Variants in BTBD9 observed in about 807,000 individuals in gnomAD.
BTBD9 encodes the protein BTB/POZ domain-containing protein 9.
Under a neutral mutation model 64.3 loss-of-function variants are expected in BTBD9, and 49 were observed. That is an observed-to-expected ratio of 0.76 (90% CI 0.61 to 0.97). The LOEUF (loss-of-function observed/expected upper bound fraction) is 0.97, where lower values mean the gene tolerates loss of function less well. Ranked by LOEUF, BTBD9 falls within the 50% of genes least tolerant of loss-of-function variation. The pLI is 0.00. For synonymous variants in BTBD9, 260 were observed against 274.7 expected, an observed-to-expected ratio of 0.95 and a Z score of 0.53; for missense variants, 598 against 762.1, an observed-to-expected ratio of 0.78 and a Z score of 2.53.
chr6:38,402,368 A>C (rs1337895582), intron 6 of BTBD9, among the ~76,000 whole-genome samples: 1 of 151,958 alleles, frequency 6.6e-6, no homozygotes, highest in Non-Finnish European at 1.5e-5. Context: ...GAAAGAACCC[A>C]GAATAGCCAA....
chr6:38,461,429 T>C (rs1770081400), intron 6 of BTBD9, among the ~76,000 whole-genome samples: 1 of 152,242 alleles, frequency 6.6e-6, no homozygotes, highest in Non-Finnish European at 1.5e-5. Flanking sequence ...GTATGTATTA[T>C]TTTTTGTTTG....
intron 6 of BTBD9, among the ~76,000 whole-genome samples, chr6:38,567,172 CT>C (rs1318124646): frequency 2.0e-5 from 3 of 152,158 alleles, no homozygotes; most frequent in African/African-American, 7.2e-5. Flanking sequence ...TAAATTAGTT[CT>C]TTCTATAACT....
intron 6 of BTBD9, among the ~76,000 whole-genome samples, chr6:38,492,092 A>C (rs1771728240): frequency 6.6e-6 from 1 of 152,194 alleles, no homozygotes; most frequent in Admixed American, 6.5e-5. Flanking sequence ...CCCACTTTAG[A>C]GATGAGAAAA....
chr6:38,629,139 G>A (rs1412688851), intron 1 of BTBD9, among the ~76,000 whole-genome samples: 4 of 152,148 alleles, frequency 2.6e-5, no homozygotes, highest in African/African-American at 9.7e-5. Context: ...ATGGGGGCAA[G>A]TCAACTAATA....
At chr6:38,572,773 AAAAC>A (rs1298221730) in intron 6 of BTBD9, among the ~76,000 whole-genome samples, 1 of 151,664 alleles carries the variant, frequency 6.6e-6, no homozygotes, top group African/African-American at 2.4e-5. Context: ...TTAAAAAAAA[AAAAC>A]AAGTAGTGGA....
intron 6 of BTBD9, among the ~76,000 whole-genome samples, chr6:38,345,495 T>C (rs1160765487): frequency 6.6e-6 from 1 of 152,256 alleles, no homozygotes; most frequent in African/African-American, 2.4e-5. Flanking sequence ...AGCAAATGCT[T>C]TCCAGCTCAA....
chr6:38,283,806 G>T (rs1015320864), intron 8 of BTBD9, among the ~76,000 whole-genome samples: 2 of 152,166 alleles, frequency 1.3e-5, no homozygotes, highest in African/African-American at 2.4e-5. Flanking sequence ...TGTTGATGCA[G>T]AATCACTGGG....
intron 6 of BTBD9, among the ~76,000 whole-genome samples, chr6:38,379,132 C>T (rs1765821455): frequency 6.6e-6 from 1 of 152,058 alleles, no homozygotes; most frequent in South Asian, 2.1e-4. Context: ...TTTAACAGGC[C>T]ACATGTAGGC....
In BTBD9 at chr6:38,221,397, T is replaced by TC. The variant is rs199526881; in HGVS notation, c.1563-28801dup. Among the ~76,000 whole-genome samples, 186 of 151,722 alleles carry TC rather than the reference T, an allele frequency of 1.2e-3. 4 individuals carry two copies. In the East Asian group the frequency reaches 0.025, roughly 20 times the overall value. ...CCCAGCCACCTCCTGTCCAAAAGCCTCCCCCCAGGGAGCCACCACCACCAT... is the reference window on the plus strand; with the variant it reads ...CCCAGCCACCTCCTGTCCAAAAGCCTCCCCCCCAGGGAGCCACCACCACCAT... On this transcript the variant is annotated intron_variant, in intron 9 of 10. Coordinates refer to ENST00000481247, the MANE Select transcript of BTBD9 (RefSeq NM_001099272.2).
chr6:38,343,712 A>T, intron 7 of BTBD9, among the ~76,000 whole-genome samples: 1 of 152,222 alleles, frequency 6.6e-6, no homozygotes, highest in East Asian at 1.9e-4. Flanking sequence ...TTTATATTTA[A>T]TGTTAAAATT....
At position 38,359,231 on chromosome 6, in the gene BTBD9, G is replaced by A. The variant is rs922085258; in HGVS notation, c.1155-14138C>T. 5.3e-5 allele frequency among the ~76,000 whole-genome samples: 8 copies of A among 152,104 alleles called. No homozygotes were observed. The East Asian group carries it at 7.7e-4, about 15-fold the overall frequency. On this transcript the variant is annotated intron_variant, in intron 6 of 10. Transcript: ENST00000481247. ...AAACCAGGATAGTTGCTCCTCCTACGCCACCAACAGCCATTTCCCATTCCA... is the reference window on the plus strand; with the variant it reads ...AAACCAGGATAGTTGCTCCTCCTACACCACCAACAGCCATTTCCCATTCCA...
At chr6:38,616,713 C>T (rs1458394088) in intron 1 of BTBD9, among the ~76,000 whole-genome samples, 1 of 152,112 alleles carries the variant, frequency 6.6e-6, no homozygotes, top group Non-Finnish European at 1.5e-5. Flanking sequence ...AGAAACGAAA[C>T]ATGGGAGGGG....
At chr6:38,348,951 C>T (rs541719412) in intron 6 of BTBD9, among the ~76,000 whole-genome samples, 1 of 152,224 alleles carries the variant, frequency 6.6e-6, no homozygotes, top group Admixed American at 6.5e-5. Context: ...TTCTGTTGCC[C>T]AGACTGAAGT....
chr6:38,595,479 C>T (rs905228079), intron 2 of BTBD9, among the ~76,000 whole-genome samples: 1 of 151,772 alleles, frequency 6.6e-6, no homozygotes, highest in Admixed American at 6.6e-5. Flanking sequence ...ATAATATGAA[C>T]CAATTAAACT....
intron 9 of BTBD9, among the ~76,000 whole-genome samples, chr6:38,212,309 G>A (rs1762861642): frequency 6.6e-6 from 1 of 152,172 alleles, no homozygotes; most frequent in Admixed American, 6.5e-5. Flanking sequence ...TGAGGGGCCT[G>A]CCTGGGGCTG....
At chr6:38,198,704 C>G (rs997663457) in intron 9 of BTBD9, among the ~76,000 whole-genome samples, 3 of 152,228 alleles carry the variant, frequency 2.0e-5, no homozygotes, top group Admixed American at 6.5e-5. Flanking sequence ...TAGGGCCAGA[C>G]TGGCAAGTAA....
chr6:38,374,311 A>ATATATG lies in BTBD9; in HGVS notation c.1155-29219_1155-29218insCATATA, dbSNP rs1562095686. On this transcript the variant is annotated intron_variant, in intron 6 of 10. Transcript: ENST00000481247. ...TATATATATATGTATATATATGTATATATATATATATATATGTATATAAAA... is the reference window on the plus strand; with the variant it reads ...TATATATATATGTATATATATGTATATATATGTATATATATATATATGTATATAAAA... Among the ~76,000 whole-genome samples the ATATATG allele has an allele frequency of 1.7e-5, 2 of 115,838 alleles. 1 individual carries two copies. Among genetic ancestry groups the ATATATG allele is most frequent in the African/African-American group, 7.4e-5 (2 of 26,932 alleles). 76.0% of individuals were successfully genotyped at this position (115,838 alleles called of 152,430 possible). A position where few individuals can be genotyped will look rare whatever the true frequency, so the allele number is the denominator to read the frequency against.
rs1381756883 is a variant in BTBD9 at position 38,172,563 on chromosome 6, G to T, written c.*2422C>A. 2 of 152,352 alleles carry T rather than the reference G, an allele frequency of 1.3e-5. No homozygotes were observed. The highest frequency in any genetic ancestry group is 1.9e-4 in the East Asian group (1 of 5,204). The allele number at this position is 152,352 out of a possible 1,614,324, so 9.4% of individuals were successfully genotyped here. Reference sequence around the variant, plus strand: ...GGAGGTGAACCCGTGTCCTTTTGGAGTCCAGGGCAGGCTCCCAGCAAAGCG... The same window carrying T: ...GGAGGTGAACCCGTGTCCTTTTGGATTCCAGGGCAGGCTCCCAGCAAAGCG... On this transcript the variant is annotated 3_prime_UTR_variant, in exon 11 of 11. Coordinates refer to ENST00000481247, the MANE Select transcript of BTBD9 (RefSeq NM_001099272.2).
chr6:38,321,318 A>G (rs1241087419), intron 7 of BTBD9, among the ~76,000 whole-genome samples: 1 of 152,196 alleles, frequency 6.6e-6, no homozygotes, highest in Non-Finnish European at 1.5e-5. Flanking sequence ...GAGAAGAGGG[A>G]GAGAGGAGAG....
Sources: gnomAD v4.1 joint callset for allele counts (sites outside exome capture counted in the v4.1 genomes callset) on GRCh38, gnomAD v4.1.1 for gene constraint, MANE v1.5 for transcripts, NCBI Gene and HGNC (gene_info 2026-07-23, HGNC 2026-07-21) for gene names.